The following FUBP1 variants were observed in gnomAD, a reference collection of about 807,000 sequenced individuals.
FUBP1 encodes the protein far upstream element binding protein 1, also known as far upstream element-binding protein 1.
A neutral mutation model predicts 94.9 loss-of-function variants in FUBP1; 16 were observed. The ratio of observed to expected loss-of-function variants is 0.17; its 90% CI spans 0.11 to 0.26. FUBP1 has a LOEUF of 0.26. FUBP1 is among the 10% of genes least tolerant of loss of function. The pLI, the probability that FUBP1 is intolerant of heterozygous loss-of-function variation, is 1.00. For synonymous variants in FUBP1, 279 were observed against 254.9 expected (o/e 1.09, Z -0.90); for missense variants, 583 against 808.6 (o/e 0.72, Z 3.38).
intron 1 of FUBP1, among the ~76,000 whole-genome samples, chr1:77,971,026 T>C (rs1168892786): frequency 6.6e-6 from 1 of 151,582 alleles, no homozygotes; most frequent in Non-Finnish European, 1.5e-5. Context: ...AGAGCAAGAC[T>C]GTTACAAACA....
intron 16 of FUBP1, among the ~76,000 whole-genome samples, chr1:77,958,195 C>T (rs1654826533): frequency 6.6e-6 from 1 of 152,126 alleles, no homozygotes; most frequent in African/African-American, 2.4e-5. Context: ...TTTCTACTCC[C>T]AAATGTGAAA....
In FUBP1 at chr1:77,960,437, G is replaced by A; in HGVS notation, c.1403C>T (p.Pro468Leu). 1 of 1,592,958 alleles carries A rather than the reference G, an allele frequency of 6.3e-7. No individual in the cohort carries two copies. Among genetic ancestry groups the A allele is most frequent in the East Asian group, 2.2e-5 (1 of 44,710 alleles). Residue 468 changes from proline (P) to leucine (L), a missense_variant, in exon 15 of 20, where the codon CCC (proline) becomes CTC (leucine). Physicochemically the swap from Pro to Leu is moderately conservative, Grantham distance 98. Coordinates refer to ENST00000370768, the MANE Select transcript of FUBP1 (RefSeq NM_003902.5). ...CCCTGGAGGCCCAGGAGGTCCATGG[G>A]GGCCTGGGACACCATGGGGCCCATG... ...VPHGPHGVPG[P>L]HGPPGPPGPG...
intron 18 of FUBP1, among the ~76,000 whole-genome samples, chr1:77,949,872 A>AT (rs1190517741): frequency 1.3e-5 from 2 of 152,236 alleles, no homozygotes; most frequent in African/African-American, 2.4e-5. Context: ...ACATAATAAG[A>AT]TGTTAAAAGT....
intron 13 of FUBP1, among the ~76,000 whole-genome samples, chr1:77,963,270 G>A (rs1437989013): frequency 6.6e-6 from 1 of 151,988 alleles, no homozygotes; most frequent in Non-Finnish European, 1.5e-5. Flanking sequence ...ATATGAGTCG[G>A]GAAAAACCAA....
chr1:77,960,603 A>C (rs1655276420), intron 14 of FUBP1, 108 bp from the exon 15 acceptor site: 3 of 880,794 alleles, frequency 3.4e-6, no homozygotes, highest in South Asian at 2.0e-5. Context: ...CACAAATAAC[A>C]AATTTTAGGT....
At position 77,947,032 on chromosome 1, in the gene FUBP1, A is replaced by T. The variant is rs1652302942; in HGVS notation, c.*1734T>A. On this transcript the variant is annotated 3_prime_UTR_variant, in exon 20 of 20. Transcript: ENST00000370768. The stretch of plus-strand genomic sequence containing the variant: ...ACAAATGGTGCTCTCCACCAATGAC[A>T]AAATATATATTTATGAAATGTGTTA... The T allele has an allele frequency of 4.8e-6, 1 of 208,796 alleles. No homozygotes were observed. 12.9% of individuals were successfully genotyped at this position (208,796 alleles called of 1,614,324 possible).
intron 18 of FUBP1, among the ~76,000 whole-genome samples, chr1:77,954,781 CAAATGGT>C (rs933746612): frequency 1.3e-5 from 2 of 152,108 alleles, no homozygotes; most frequent in African/African-American, 4.8e-5. Context: ...TATCAGGTTC[CAAATGGT>C]TCCTAAAGAG....
chr1:77,947,273 T>G lies in FUBP1; in HGVS notation c.*1493A>C, dbSNP rs905259260. 3.3e-6 allele frequency: 1 copy of G among 299,406 alleles called. No individual in the cohort carries two copies. 18.5% of individuals were successfully genotyped at this position (299,406 alleles called of 1,614,324 possible). On this transcript the variant is annotated 3_prime_UTR_variant, in exon 20 of 20. Coordinates refer to ENST00000370768, the MANE Select transcript of FUBP1 (RefSeq NM_003902.5). ...AAATACTTACCCATTAAGCTCACTTTAAAAAAAATACAGAACTATGTATTA... is the reference window on the plus strand; with the variant it reads ...AAATACTTACCCATTAAGCTCACTTGAAAAAAAATACAGAACTATGTATTA...
intron 7 of FUBP1, among the ~76,000 whole-genome samples, chr1:77,965,634 C>T (rs1656326998): frequency 1.3e-5 from 2 of 152,330 alleles, no homozygotes; most frequent in South Asian, 2.1e-4. Context: ...TGTGCAGGTG[C>T]TATTCTAGGT....
rs755137242 is a variant in FUBP1, at chr1:77,964,629, TG to T, written c.837+16del. On this transcript the variant is annotated intron_variant, in intron 10 of 19. Transcript: ENST00000370768. ...GAATTAGCATACAACCATTTCTGAATGGGTATTTTTACTTACATCTATCCCT... is the reference window on the plus strand; with the variant it reads ...GAATTAGCATACAACCATTTCTGAATGGTATTTTTACTTACATCTATCCCT... 6.1e-6 allele frequency: 8 copies of T among 1,314,674 alleles called. No individual in the cohort carries two copies. The highest frequency in any genetic ancestry group is 8.8e-6 in the Non-Finnish European group (8 of 907,160). 81.4% of individuals were successfully genotyped at this position (1,314,674 alleles called of 1,614,324 possible).
Position 77,944,843 on chromosome 1 carries a change from ATTT to A in FUBP1, c.*3920_*3922del, listed in dbSNP as rs756648954. ...AATTACTAGTTTTAGTATTAAAACC[ATTT>A]TTTATATTAAAAAATAAAACTATAC... On this transcript the variant is annotated 3_prime_UTR_variant, in exon 20 of 20. Transcript: ENST00000370768. Among the ~76,000 whole-genome samples the A allele has an allele frequency of 6.6e-6, 1 of 151,986 alleles. No individual in the cohort carries two copies. The highest frequency in any genetic ancestry group is 2.4e-5 in the African/African-American group (1 of 41,432).
At chr1:77,964,421 T>A in intron 10 of FUBP1, 65 bp from the exon 11 acceptor site, 1 of 1,046,590 alleles carries the variant, frequency 9.6e-7, no homozygotes, top group East Asian at 2.4e-5. Context: ...AAAAAAAGTA[T>A]TTTAAAAAAG....
rs151051327 is a variant in FUBP1, at chr1:77,955,245, T to A, written c.1780+10A>T. 4.3e-6 allele frequency: 5 copies of A among 1,166,002 alleles called. No homozygotes were observed. The South Asian group carries it at 6.1e-5, about 14-fold the overall frequency. The allele number at this position is 1,166,002 out of a possible 1,614,324, so 72.2% of individuals were successfully genotyped here. On this transcript the variant is annotated intron_variant, in intron 18 of 19. Transcript: ENST00000370768. ...TAAGTATGTATTTTCAAGAAATGTA[T>A]AAAACATACCCATTTTCTTGTAGTA...
At position 77,954,974 on chromosome 1, in the gene FUBP1, T is replaced by C. The variant is rs1259277292; in HGVS notation, c.1780+281A>G. ...CATTAAAATTTAACCTTATGTCATT[T>C]AGACTGATAATATATATAACTGTCA... On this transcript the variant is annotated intron_variant, in intron 18 of 19. Coordinates refer to ENST00000370768, the MANE Select transcript of FUBP1 (RefSeq NM_003902.5). Among the ~76,000 whole-genome samples the C allele has an allele frequency of 2.6e-5, 4 of 152,224 alleles. No homozygotes were observed. The South Asian group carries it at 6.2e-4, about 24-fold the overall frequency.
chr1:77,956,470 A>C (rs1015950996), intron 17 of FUBP1, 102 bp downstream of exon 17: 1 of 617,886 alleles, frequency 1.6e-6, no homozygotes, highest in Non-Finnish European at 2.6e-6. Context: ...TTAAATTATA[A>C]TTAAATAATG....
chr1:77,970,204 T>C (rs1657259936), intron 1 of FUBP1, among the ~76,000 whole-genome samples, 189 bp from the exon 2 acceptor site: 1 of 152,130 alleles, frequency 6.6e-6, no homozygotes, highest in Non-Finnish European at 1.5e-5. Flanking sequence ...AACATAATAA[T>C]CATAAGATTA....
chr1:77,967,137 GAA>G, intron 4 of FUBP1, 36 bp from the exon 5 acceptor site: 1 of 1,288,070 alleles, frequency 7.8e-7, no homozygotes, highest in African/African-American at 1.5e-5. Context: ...TTCCTTCAAT[GAA>G]AGATACTTTG....
chr1:77,960,402 G>T lies in FUBP1; in HGVS notation c.1438C>A (p.Pro480Thr). 6.3e-7 allele frequency: 1 copy of T among 1,596,600 alleles called. No individual in the cohort carries two copies. Among genetic ancestry groups the T allele is most frequent in the South Asian group, 1.1e-5 (1 of 88,010 alleles). ...GGTGCAGGGTTGTATGGTCCCATTG[G>T]AGTTCCAGGCCCTGGAGGCCCAGGA... is the stretch of plus-strand genomic sequence containing the variant. ...GPPGPPGPGTPMGPYNPAPYN... is the reference protein window; with the variant it reads ...GPPGPPGPGTTMGPYNPAPYN... The change falls in exon 15 of 20, where the codon CCA (proline) becomes ACA (threonine). Residue 480 changes from proline to threonine, a missense_variant. Physicochemically the swap from Pro to Thr is conservative, Grantham distance 38. Coordinates refer to ENST00000370768, the MANE Select transcript of FUBP1 (RefSeq NM_003902.5).
At chr1:77,949,431 TG>T in intron 18 of FUBP1, 131 bp from the exon 19 acceptor site, 1 of 673,492 alleles carries the variant, frequency 1.5e-6, no homozygotes, top group African/African-American at 1.9e-5. Flanking sequence ...TTGCCCTTGT[TG>T]ACCAAAAAAA....
Sources: allele counts gnomAD v4.1 joint callset (sites outside exome capture counted in the v4.1 genomes callset), GRCh38; gene constraint gnomAD v4.1.1; transcripts MANE v1.5; gene names NCBI Gene and HGNC (gene_info 2026-07-23, HGNC 2026-07-21).